SGCD: variants seen among roughly 807,000 people sequenced by gnomAD.
SGCD encodes the protein sarcoglycan delta, also known as delta-sarcoglycan.
In SGCD, 18 loss-of-function variants were observed where a neutral mutation model predicts 36.6. The observed-to-expected ratio is 0.49, with a 90% CI of 0.34 to 0.73. SGCD has a LOEUF of 0.73. Among genes scored for constraint, SGCD ranks in the 30% least tolerant of loss-of-function variants. The pLI, the probability that SGCD is intolerant of heterozygous loss-of-function variation, is 0.01. For synonymous variants in SGCD, 133 were observed against 130.6 expected, an observed-to-expected ratio of 1.02 and a Z score of -0.12; for missense variants, 387 against 346.7, an observed-to-expected ratio of 1.12 and a Z score of -0.92.
At chr5:155,882,764 CA>C (rs2113298492) in intron 1 of SGCD, among the ~76,000 whole-genome samples, 2 of 152,220 alleles carry the variant, frequency 1.3e-5, no homozygotes, top group East Asian at 3.9e-4. Context: ...AGATGAAGGG[CA>C]GTAGGATTTT....
intron 3 of SGCD, among the ~76,000 whole-genome samples, chr5:156,377,030 T>C (rs942840168): frequency 6.6e-5 from 10 of 152,006 alleles, no homozygotes; most frequent in African/African-American, 1.4e-4. Context: ...TCATAAGATA[T>C]AAATATCTTG....
chr5:156,500,190 G>A (rs79605208), intron 3 of SGCD, among the ~76,000 whole-genome samples: 2,856 of 152,222 alleles, frequency 0.019, 31 homozygotes, highest in Non-Finnish European at 0.031. Flanking sequence ...TGTAGGAACA[G>A]GTATAGATGT....
intron 1 of SGCD, among the ~76,000 whole-genome samples, chr5:155,976,598 T>C (rs750025029): frequency 7.2e-5 from 11 of 152,186 alleles, no homozygotes; most frequent in Non-Finnish European, 1.5e-4. Context: ...GTTTTCTTCA[T>C]GTTATAGATG....
At chr5:155,815,283 A>G in the SGCD span, among the ~76,000 whole-genome samples, 4 of 152,224 alleles carry the variant, frequency 2.6e-5, no homozygotes, top group East Asian at 1.9e-4. Context: ...TGAGGAAATT[A>G]TAATCAAAAT....
chr5:155,823,006 G>T, the SGCD span, among the ~76,000 whole-genome samples: 3 of 151,934 alleles, frequency 2.0e-5, no homozygotes, highest in Non-Finnish European at 4.4e-5. Context: ...GTCTCTGTCT[G>T]TATCTCTCTC....
intron 3 of SGCD, among the ~76,000 whole-genome samples, chr5:156,189,933 A>G (rs532956150): frequency 1.4e-3 from 218 of 152,298 alleles, no homozygotes; most frequent in African/African-American, 5.1e-3. Context: ...TTTGGTGGCT[A>G]TTCATTGGGT....
chr5:156,138,308 G>A (rs1191177788), intron 3 of SGCD, among the ~76,000 whole-genome samples: 1 of 152,198 alleles, frequency 6.6e-6, no homozygotes, highest in Non-Finnish European at 1.5e-5. Flanking sequence ...GGCTGGGGCA[G>A]GAGAATCACT....
intron 3 of SGCD, among the ~76,000 whole-genome samples, chr5:156,280,855 A>G (rs755538063): frequency 6.6e-6 from 1 of 152,142 alleles, no homozygotes; most frequent in Non-Finnish European, 1.5e-5. Context: ...AATTTTTTAG[A>G]GTGAATTAGT....
At chr5:156,261,355 A>G (rs1432172027) in intron 3 of SGCD, among the ~76,000 whole-genome samples, 1 of 152,192 alleles carries the variant, frequency 6.6e-6, no homozygotes, top group African/African-American at 2.4e-5. Flanking sequence ...ATTTCTATTA[A>G]TACAGACACA....
the SGCD span, among the ~76,000 whole-genome samples, chr5:155,852,935 T>C: frequency 1.3e-5 from 2 of 152,068 alleles, no homozygotes; most frequent in Admixed American, 1.3e-4. Context: ...TTCTTCTTAC[T>C]CCTCCCATTT....
At chr5:156,408,188 G>A (rs1772525269) in intron 3 of SGCD, among the ~76,000 whole-genome samples, 1 of 152,070 alleles carries the variant, frequency 6.6e-6, no homozygotes, top group East Asian at 1.9e-4. Context: ...AAGTATGAGT[G>A]TTTCTTGAAG....
chr5:155,777,594 G>A, the SGCD span, among the ~76,000 whole-genome samples: 6 of 152,012 alleles, frequency 3.9e-5, no homozygotes, highest in Admixed American at 3.3e-4. Flanking sequence ...AGGCTTAAGC[G>A]ACCTATCCCA....
At chr5:156,034,672 G>T (rs762905626) in intron 1 of SGCD, among the ~76,000 whole-genome samples, 4 of 152,072 alleles carry the variant, frequency 2.6e-5, no homozygotes, top group Non-Finnish European at 4.4e-5. Context: ...TAAAAACCAG[G>T]AAAGTTCAAG....
chr5:156,241,242 A>G (rs1765296357), intron 3 of SGCD, among the ~76,000 whole-genome samples: 1 of 143,476 alleles, frequency 7.0e-6, no homozygotes, highest in Non-Finnish European at 1.5e-5. Context: ...CTTGGAAATT[A>G]GACCAAAACG....
chr5:156,593,884 G>C (rs909421737), intron 5 of SGCD, among the ~76,000 whole-genome samples: 5 of 152,236 alleles, frequency 3.3e-5, no homozygotes. Flanking sequence ...AGAATCTTCT[G>C]AACAATTTTG....
chr5:156,281,135 T>C (rs908439714), intron 3 of SGCD, among the ~76,000 whole-genome samples: 6 of 152,204 alleles, frequency 3.9e-5, no homozygotes, highest in Non-Finnish European at 7.3e-5. Flanking sequence ...GGAATTTACA[T>C]GTTGGTATTT....
chr5:156,684,891 T>C (rs1753850255), intron 7 of SGCD, among the ~76,000 whole-genome samples: 1 of 152,092 alleles, frequency 6.6e-6, no homozygotes, highest in Non-Finnish European at 1.5e-5. Context: ...GAAAACCCAG[T>C]GAGTAGAAAT....
intron 7 of SGCD, among the ~76,000 whole-genome samples, chr5:156,653,380 T>C (rs1305266359): frequency 6.6e-6 from 1 of 151,944 alleles, no homozygotes; most frequent in Admixed American, 6.6e-5. Context: ...TTTGTGTGCA[T>C]AGAGGTGTTC....
At chr5:156,313,782 A>G (rs141640278) in intron 3 of SGCD, among the ~76,000 whole-genome samples, 1 of 152,174 alleles carries the variant, frequency 6.6e-6, no homozygotes, top group East Asian at 1.9e-4. Context: ...GCCATTAACA[A>G]TTTATTCCTT....
Sources: allele counts gnomAD v4.1 joint callset (sites outside exome capture counted in the v4.1 genomes callset), GRCh38; gene constraint gnomAD v4.1.1; transcripts MANE v1.5; gene names NCBI Gene and HGNC (gene_info 2026-07-23, HGNC 2026-07-21).